Variants in KCNK9 observed in about 807,000 individuals in gnomAD.
The protein encoded by KCNK9 is potassium channel subfamily K member 9.
In KCNK9, 1 loss-of-function variant was observed where a neutral mutation model predicts 10.8. That is an observed-to-expected ratio of 0.09 (90% CI 0.03 to 0.44). KCNK9 has a LOEUF of 0.44. Among genes scored for constraint, KCNK9 ranks in the 20% least tolerant of loss-of-function variants. KCNK9 has a pLI of 0.97. For missense variants in KCNK9, 303 were observed against 515.0 expected, an observed-to-expected ratio of 0.59 and a Z score of 3.98; for synonymous variants, 231 against 222.7, an observed-to-expected ratio of 1.04 and a Z score of -0.33.
At chr8:139,681,561 G>C (rs767951143) in intron 1 of KCNK9, among the ~76,000 whole-genome samples, 3 of 152,242 alleles carry the variant, frequency 2.0e-5, no homozygotes, top group Non-Finnish European at 4.4e-5. Context: ...TGGTGCCCCT[G>C]AGTGCTTGGG....
At chr8:139,665,081 C>T (rs1224663313) in intron 1 of KCNK9, among the ~76,000 whole-genome samples, 3 of 152,194 alleles carry the variant, frequency 2.0e-5, no homozygotes, top group Non-Finnish European at 2.9e-5. Flanking sequence ...CTGAGGCTGC[C>T]GTCACAAATT....
intron 1 of KCNK9, among the ~76,000 whole-genome samples, chr8:139,627,238 C>T (rs1815006177): frequency 6.6e-6 from 1 of 152,206 alleles, no homozygotes; most frequent in Non-Finnish European, 1.5e-5. Context: ...CTCATTCTCT[C>T]ATGGATAAGG....
At chr8:139,667,876 G>C (rs367822354) in intron 1 of KCNK9, among the ~76,000 whole-genome samples, 1 of 107,170 alleles carries the variant, frequency 9.3e-6, no homozygotes, top group Non-Finnish European at 2.1e-5. Context: ...GCAAGACTCC[G>C]TCTTAATAAA....
chr8:139,635,737 G>A (rs2129638287), intron 1 of KCNK9, among the ~76,000 whole-genome samples: 1 of 152,216 alleles, frequency 6.6e-6, no homozygotes, highest in Non-Finnish European at 1.5e-5. Context: ...TAAAGAAGCA[G>A]GGGAAAAAAA....
At chr8:139,657,507 TC>T (rs1816050739) in intron 1 of KCNK9, among the ~76,000 whole-genome samples, 1 of 152,034 alleles carries the variant, frequency 6.6e-6, no homozygotes, top group African/African-American at 2.4e-5. Flanking sequence ...GTGGAGCTTC[TC>T]ATCATCCTGC....
intron 1 of KCNK9, among the ~76,000 whole-genome samples, chr8:139,673,197 G>T (rs934652793): frequency 9.9e-5 from 15 of 152,116 alleles, no homozygotes; most frequent in Admixed American, 9.8e-4. Context: ...CATAGGCCTG[G>T]GGGGAATGGA....
chr8:139,679,077 T>C (rs548217974), intron 1 of KCNK9, among the ~76,000 whole-genome samples: 2 of 152,272 alleles, frequency 1.3e-5, no homozygotes, highest in South Asian at 4.1e-4. Context: ...AGAGGCAGGG[T>C]GGGCTGTCCC....
intron 1 of KCNK9, among the ~76,000 whole-genome samples, chr8:139,673,618 C>G (rs779149278): frequency 2.6e-5 from 4 of 152,212 alleles, no homozygotes; most frequent in Admixed American, 6.5e-5. Flanking sequence ...CAGGGCTGCA[C>G]AGCCGGCAAA....
chr8:139,665,849 T>C (rs1405883428), intron 1 of KCNK9, among the ~76,000 whole-genome samples: 1 of 152,104 alleles, frequency 6.6e-6, no homozygotes, highest in Non-Finnish European at 1.5e-5. Flanking sequence ...GCCTCCACCA[T>C]CCACCCCGCT....
At chr8:139,674,943 T>C (rs1402310788) in intron 1 of KCNK9, among the ~76,000 whole-genome samples, 30 of 151,744 alleles carry the variant, frequency 2.0e-4, no homozygotes, top group Admixed American at 1.7e-3. Flanking sequence ...CCCCTCTCCC[T>C]ACCCCTCTTA....
At chr8:139,656,476 T>C (rs1197073423) in intron 1 of KCNK9, among the ~76,000 whole-genome samples, 1 of 151,938 alleles carries the variant, frequency 6.6e-6, no homozygotes, top group African/African-American at 2.4e-5. Flanking sequence ...CGCGCTTGCC[T>C]CTCCCTCACA....
Position 139,617,794 on chromosome 8 carries a change from GTCAC to G in KCNK9, c.*460_*463del, listed in dbSNP as rs1814645926. 6.6e-6 allele frequency among the ~76,000 whole-genome samples: 1 copy of G among 152,066 alleles called. No homozygotes were observed. Among genetic ancestry groups the G allele is most frequent in the East Asian group, 1.9e-4 (1 of 5,192 alleles). ...GAAGCACACACACAACACACACACA[GTCAC>G]TCAGTCCTTAGGAAAAGAGAAAGGA... On this transcript the variant is annotated 3_prime_UTR_variant, in exon 2 of 2. Transcript: ENST00000520439.
At chr8:139,672,154 G>A (rs1012424578) in intron 1 of KCNK9, among the ~76,000 whole-genome samples, 4 of 152,154 alleles carry the variant, frequency 2.6e-5, no homozygotes, top group Admixed American at 6.5e-5. Flanking sequence ...CCAATCCCTC[G>A]CTTAACTCCC....
chr8:139,675,689 C>A (rs761425018), intron 1 of KCNK9, among the ~76,000 whole-genome samples: 1 of 152,148 alleles, frequency 6.6e-6, no homozygotes. Flanking sequence ...AAGACACTCT[C>A]AGTCCTTGCT....
intron 1 of KCNK9, among the ~76,000 whole-genome samples, chr8:139,695,560 G>A (rs1380467928): frequency 6.6e-6 from 1 of 152,306 alleles, no homozygotes; most frequent in Non-Finnish European, 1.5e-5. Flanking sequence ...CCCCAGGTGG[G>A]GATGGGCAGG....
chr8:139,663,682 T>TGTG (rs1554624294), intron 1 of KCNK9, among the ~76,000 whole-genome samples: 2 of 145,750 alleles, frequency 1.4e-5, no homozygotes, highest in South Asian at 2.2e-4. Context: ...TGTGTGTGTG[T>TGTG]TAGAGAGAGA....
intron 1 of KCNK9, among the ~76,000 whole-genome samples, chr8:139,667,351 G>A (rs911812348): frequency 6.2e-4 from 94 of 151,022 alleles, no homozygotes; most frequent in African/African-American, 2.1e-3. Flanking sequence ...TGCACTTCTA[G>A]GGATTTATCC....
chr8:139,680,422 C>A (rs1490699126), intron 1 of KCNK9, among the ~76,000 whole-genome samples: 1 of 152,186 alleles, frequency 6.6e-6, no homozygotes, highest in African/African-American at 2.4e-5. Flanking sequence ...CTGGGTCCTA[C>A]ATACCTCCGG....
At chr8:139,698,244 G>A (rs776496180) in intron 1 of KCNK9, among the ~76,000 whole-genome samples, 2 of 152,300 alleles carry the variant, frequency 1.3e-5, no homozygotes, top group East Asian at 1.9e-4. Context: ...GAGTGCATGC[G>A]TGTGGAGGCT....
Sources: allele counts gnomAD v4.1 joint callset (sites outside exome capture counted in the v4.1 genomes callset), GRCh38; gene constraint gnomAD v4.1.1; transcripts MANE v1.5; gene names NCBI Gene and HGNC (gene_info 2026-07-23, HGNC 2026-07-21).